ASTN1: variants seen among roughly 807,000 people sequenced by gnomAD.
ASTN1 encodes astrotactin-1.
In ASTN1, 41 loss-of-function variants were observed where a neutral mutation model predicts 140.7. That is an observed-to-expected ratio of 0.29 (90% CI 0.23 to 0.38). The LOEUF is 0.38. ASTN1 is among the 10% of genes least tolerant of loss of function. ASTN1 has a pLI of 1.00. For synonymous variants in ASTN1, 640 were observed against 652.2 expected, an observed-to-expected ratio of 0.98 and a Z score of 0.29; for missense variants, 1,479 against 1,678.8, an observed-to-expected ratio of 0.88 and a Z score of 2.08.
At chr1:177,151,478 C>T (rs1244456610) in intron 1 of ASTN1, among the ~76,000 whole-genome samples, 1 of 151,712 alleles carries the variant, frequency 6.6e-6, no homozygotes, top group Non-Finnish European at 1.5e-5. Flanking sequence ...AATGACTGCC[C>T]TTCCCCTTCC....
chr1:177,111,289 C>G, intron 1 of ASTN1, among the ~76,000 whole-genome samples: 1 of 152,066 alleles, frequency 6.6e-6, no homozygotes, highest in East Asian at 1.9e-4. Flanking sequence ...GGACTAATTC[C>G]AAAGACTGTT....
intron 9 of ASTN1, among the ~76,000 whole-genome samples, chr1:176,958,886 C>T (rs542843714): frequency 5.3e-5 from 8 of 152,308 alleles, no homozygotes; most frequent in African/African-American, 1.7e-4. Flanking sequence ...GCAATGGCAT[C>T]TCTCTGTGAC....
At position 176,982,804 on chromosome 1, in the gene ASTN1, T is replaced by A. The variant is rs138728755; in HGVS notation, c.1524-17567A>T. 6.2e-3 allele frequency among the ~76,000 whole-genome samples: 940 copies of A among 152,284 alleles called. 13 individuals carry two copies. The highest frequency in any genetic ancestry group is 0.02 in the African/African-American group (839 of 41,558). ...CTTTACTTTGTGCCTGACCCTGTGA[T>A]AGACAACCCAGGAACACAGAGTGAA... On this transcript the variant is annotated intron_variant, in intron 8 of 22. Coordinates refer to ENST00000361833, the MANE Select transcript of ASTN1 (RefSeq NM_004319.3).
At chr1:176,924,554 G>T (rs1426340634) in intron 16 of ASTN1, among the ~76,000 whole-genome samples, 1 of 152,022 alleles carries the variant, frequency 6.6e-6, no homozygotes, top group Non-Finnish European at 1.5e-5. Context: ...TTCTCACTAG[G>T]ATATGAGCTC....
At chr1:176,904,443 C>T (rs553400686) in intron 16 of ASTN1, among the ~76,000 whole-genome samples, 5 of 152,018 alleles carry the variant, frequency 3.3e-5, no homozygotes, top group Admixed American at 2.6e-4. Context: ...CCTGCTGTGT[C>T]GCCACAGACA....
chr1:177,075,318 C>A (rs1042355579), intron 1 of ASTN1, among the ~76,000 whole-genome samples: 1 of 151,926 alleles, frequency 6.6e-6, no homozygotes, highest in African/African-American at 2.4e-5. Context: ...GTGATCCACC[C>A]ACCTCGGTCT....
chr1:176,980,395 G>T (rs1673558657), intron 8 of ASTN1, among the ~76,000 whole-genome samples: 1 of 152,128 alleles, frequency 6.6e-6, no homozygotes, highest in African/African-American at 2.4e-5. Flanking sequence ...CAAGAAATGA[G>T]TAAGAAGAGT....
intron 14 of ASTN1, among the ~76,000 whole-genome samples, chr1:176,939,459 G>A (rs1287565029): frequency 6.6e-6 from 1 of 152,050 alleles, no homozygotes; most frequent in Non-Finnish European, 1.5e-5. Context: ...CCATAGTCAG[G>A]GAACACTTAC....
rs187163089 is a variant in ASTN1, at chr1:177,161,572, C to A, written c.283+2822G>T. ...GAGAAAGGGCAAAGAGCCTTCCAGG[C>A]AGAGTAGCTACATGTGCAAAGTCTT... is the stretch of plus-strand genomic sequence containing the variant. On this transcript the variant is annotated intron_variant, in intron 1 of 22. Transcript: ENST00000361833. Among the ~76,000 whole-genome samples, 136 of 152,280 alleles carry A rather than the reference C, an allele frequency of 8.9e-4. 1 individual carries two copies. In the South Asian group the frequency reaches 0.016, roughly 18 times the overall value.
At chr1:176,884,971 C>T (rs895797947) in intron 18 of ASTN1, among the ~76,000 whole-genome samples, 5 of 152,198 alleles carry the variant, frequency 3.3e-5, no homozygotes, top group East Asian at 1.9e-4. Context: ...CAGGATCTGC[C>T]GTGCTGGTGG....
At chr1:177,045,078 A>T (rs993926831) in intron 2 of ASTN1, among the ~76,000 whole-genome samples, 1 of 152,104 alleles carries the variant, frequency 6.6e-6, no homozygotes, top group South Asian at 2.1e-4. Context: ...TCCCCTACCT[A>T]TGCCCTTTCT....
intron 14 of ASTN1, among the ~76,000 whole-genome samples, chr1:176,942,859 TATATATA>T (rs1557978144): frequency 2.2e-4 from 23 of 104,136 alleles, no homozygotes; most frequent in African/African-American, 5.3e-4. Context: ...TATATATATA[TATATATA>T]GATTGATGTC....
intron 6 of ASTN1, among the ~76,000 whole-genome samples, chr1:177,024,353 T>C (rs1206404987): frequency 6.6e-6 from 1 of 152,146 alleles, no homozygotes; most frequent in Non-Finnish European, 1.5e-5. Flanking sequence ...CAAACAAAAA[T>C]GGGAGATGGC....
chr1:177,124,374 TC>T (rs1681544800), intron 1 of ASTN1, among the ~76,000 whole-genome samples: 1 of 152,302 alleles, frequency 6.6e-6, no homozygotes, highest in Non-Finnish European at 1.5e-5. Flanking sequence ...TTCAAGTCAT[TC>T]TCACTCCAAG....
intron 8 of ASTN1, among the ~76,000 whole-genome samples, chr1:177,003,726 C>T (rs1359880254): frequency 1.3e-5 from 2 of 151,738 alleles, no homozygotes; most frequent in South Asian, 2.1e-4. Flanking sequence ...GCAGGAGAAT[C>T]GCTTGAACTT....
chr1:176,992,010 C>T (rs1434974022), intron 8 of ASTN1, among the ~76,000 whole-genome samples: 1 of 152,140 alleles, frequency 6.6e-6, no homozygotes, highest in Non-Finnish European at 1.5e-5. Context: ...TAAGTCTTTA[C>T]ATCTGAAAAT....
chr1:176,934,460 C>G (rs1671346161), intron 15 of ASTN1, 120 bp from the exon 16 acceptor site: 2 of 1,003,700 alleles, frequency 2.0e-6, no homozygotes, highest in Non-Finnish European at 2.8e-6. Flanking sequence ...TGTGGGAGAG[C>G]TAGCTAGAAG....
chr1:177,122,982 C>T (rs1296342283), intron 1 of ASTN1, among the ~76,000 whole-genome samples: 1 of 152,162 alleles, frequency 6.6e-6, no homozygotes, highest in African/African-American at 2.4e-5. Context: ...GAGGCATCAG[C>T]CCCTAGCTCC....
intron 8 of ASTN1, among the ~76,000 whole-genome samples, chr1:176,987,813 C>T (rs922275309): frequency 6.6e-6 from 1 of 152,098 alleles, no homozygotes; most frequent in Non-Finnish European, 1.5e-5. Flanking sequence ...AATGGATTGT[C>T]CTAGAGTAAG....
Sources: allele counts gnomAD v4.1 joint callset (sites outside exome capture counted in the v4.1 genomes callset), GRCh38; gene constraint gnomAD v4.1.1; transcripts MANE v1.5; gene names NCBI Gene and HGNC (gene_info 2026-07-23, HGNC 2026-07-21).